The following TRIO variants were observed in gnomAD, a reference collection of about 807,000 sequenced individuals.
The protein encoded by TRIO is trio Rho guanine nucleotide exchange factor, also known as triple functional domain protein.
TRIO carries 58 observed loss-of-function variants against 351.9 expected under a neutral mutation model. The observed-to-expected ratio is 0.16, with a 90% CI of 0.13 to 0.21. TRIO has a LOEUF of 0.21. Among genes scored for constraint, TRIO ranks in the 10% least tolerant of loss-of-function variants. The pLI, the probability that TRIO is intolerant of heterozygous loss-of-function variation, is 1.00. For missense variants in TRIO, 3,201 were observed against 4,027.8 expected (o/e 0.79, Z 5.56); for synonymous variants, 1,758 against 1,595.7 (o/e 1.10, Z -2.42).
chr5:14,301,361 G>A (rs30636), intron 7 of TRIO, among the ~76,000 whole-genome samples: 14 of 151,850 alleles, frequency 9.2e-5, no homozygotes, highest in Admixed American at 8.5e-4. Context: ...TCATTCTTTC[G>A]CACTCTCCTG....
chr5:14,343,644 T>C (rs982519884), intron 11 of TRIO, among the ~76,000 whole-genome samples: 1 of 152,234 alleles, frequency 6.6e-6, no homozygotes, highest in African/African-American at 2.4e-5. Flanking sequence ...TATCACAGTT[T>C]ATTTAACTAT....
chr5:14,411,332 A>G lies in TRIO; in HGVS notation c.4959+4660A>G, dbSNP rs550282787. Among the ~76,000 whole-genome samples, 6 of 152,360 alleles carry G rather than the reference A, an allele frequency of 3.9e-5. No individual in the cohort carries two copies. The South Asian group carries it at 1.2e-3, about 32-fold the overall frequency. ...CTAAAATCCATATTACAAAGAAAAT[A>G]GAAAACATGGAACTCAAACTGTATT... On this transcript the variant is annotated intron_variant, in intron 33 of 56. Transcript: ENST00000344204.
rs1581221761 is a variant in TRIO, at chr5:14,143,815, C to A, written c.90C>A (p.Gly30=). 9.4e-7 allele frequency: 1 copy of A among 1,058,552 alleles called. No individual in the cohort carries two copies. Among genetic ancestry groups the A allele is most frequent in the South Asian group, 4.4e-5 (1 of 22,794 alleles). 65.6% of individuals were successfully genotyped at this position (1,058,552 alleles called of 1,614,324 possible). The part of the protein sequence containing the change: ...AASAAGSGCG[G]GAGEGAEEAA... The stretch of plus-strand genomic sequence containing the variant: ...GCGCGGCTGGCTCGGGCTGCGGGGG[C>A]GGTGCCGGCGAGGGGGCAGAGGAGG... Residue 30 remains glycine (G), a synonymous_variant, in exon 1 of 57, where the codon GGC becomes GGA. Transcript: ENST00000344204.
At chr5:14,431,292 G>A (rs1273046069) in intron 34 of TRIO, among the ~76,000 whole-genome samples, 1 of 152,194 alleles carries the variant, frequency 6.6e-6, no homozygotes, top group Non-Finnish European at 1.5e-5. Flanking sequence ...GAACACCTCA[G>A]ACTTCAGGCA....
At chr5:14,284,962 G>A (rs150303518) in intron 3 of TRIO, among the ~76,000 whole-genome samples, 1 of 152,204 alleles carries the variant, frequency 6.6e-6, no homozygotes, top group East Asian at 1.9e-4. Context: ...CCAGGGCCCT[G>A]GAGTTTCTGT....
intron 1 of TRIO, among the ~76,000 whole-genome samples, chr5:14,215,945 C>T (rs1792189115): frequency 6.6e-6 from 1 of 152,164 alleles, no homozygotes; most frequent in Non-Finnish European, 1.5e-5. Context: ...AATTTGAATT[C>T]CATCCCCTCC....
intron 13 of TRIO, among the ~76,000 whole-genome samples, chr5:14,360,601 A>G (rs1452721484): frequency 6.6e-6 from 1 of 152,230 alleles, no homozygotes; most frequent in African/African-American, 2.4e-5. Flanking sequence ...TGGGGATGGC[A>G]GGGCTGTGCG....
chr5:14,367,010 C>G (rs749196137), intron 16 of TRIO, 31 bp downstream of exon 16: 29 of 1,612,398 alleles, frequency 1.8e-5, no homozygotes, highest in Non-Finnish European at 2.5e-5. Context: ...TGTGTGTTGG[C>G]TCTTTCATTC....
chr5:14,197,217 C>G (rs916765802), intron 1 of TRIO, among the ~76,000 whole-genome samples: 4 of 152,104 alleles, frequency 2.6e-5, no homozygotes, highest in African/African-American at 9.7e-5. Flanking sequence ...GCTGTGAGTC[C>G]CCTGGGCTGT....
chr5:14,314,527 A>G (rs1739210257), intron 8 of TRIO, among the ~76,000 whole-genome samples: 1 of 151,198 alleles, frequency 6.6e-6, no homozygotes, highest in Non-Finnish European at 1.5e-5. Context: ...AGTTCCAAAG[A>G]AAACCAAACA....
chr5:14,455,502 G>C (rs1052077960), intron 34 of TRIO, among the ~76,000 whole-genome samples: 4 of 151,530 alleles, frequency 2.6e-5, no homozygotes, highest in African/African-American at 4.9e-5. Flanking sequence ...CCTTGAGCTA[G>C]ACACAGAGTG....
chr5:14,507,353 C>T lies in TRIO; in HGVS notation c.8751+93C>T, dbSNP rs1757768149. ...CCCCCTCTGAAGCCAGGCCAGGAGC[C>T]CCCAAGTGACTAGGGACAAAAAGGG... On this transcript the variant is annotated intron_variant, in intron 56 of 56. Coordinates refer to ENST00000344204, the MANE Select transcript of TRIO (RefSeq NM_007118.4). 4 of 1,541,630 alleles carry T rather than the reference C, an allele frequency of 2.6e-6. No individual in the cohort carries two copies. The South Asian group carries it at 4.8e-5, about 19-fold the overall frequency.
At position 14,297,145 on chromosome 5, in the gene TRIO, A is replaced by G; in HGVS notation, c.1250A>G (p.Gln417Arg). 1 of 1,614,214 alleles carries G rather than the reference A, an allele frequency of 6.2e-7. No homozygotes were observed. The highest frequency in any genetic ancestry group is 8.5e-7 in the Non-Finnish European group (1 of 1,180,046). Residue 417 changes from glutamine to arginine, a missense_variant, in exon 7 of 57, where the codon CAG becomes CGG. Physicochemically the swap from Gln to Arg is conservative, Grantham distance 43. Coordinates refer to ENST00000344204, the MANE Select transcript of TRIO (RefSeq NM_007118.4). ...GTGGAGTCTGGCCACTATGCCTCGCAGCAGATCAGGCAGATCGCGAGTCAG... is the reference window on the plus strand; with the variant it reads ...GTGGAGTCTGGCCACTATGCCTCGCGGCAGATCAGGCAGATCGCGAGTCAG... ...RLVESGHYAS[Q>R]QIRQIASQLE... is the part of the protein sequence containing the mutation.
chr5:14,306,986 A>G (rs1382590302), intron 8 of TRIO, among the ~76,000 whole-genome samples: 2 of 152,228 alleles, frequency 1.3e-5, no homozygotes, highest in Non-Finnish European at 2.9e-5. Context: ...GCCTAAGAAC[A>G]TGTTTGCAAC....
intron 34 of TRIO, among the ~76,000 whole-genome samples, chr5:14,456,982 A>G (rs908783538): frequency 3.9e-5 from 6 of 152,218 alleles, no homozygotes; most frequent in African/African-American, 1.4e-4. Context: ...GGGCTGTTAC[A>G]TTCCATTGAT....
intron 34 of TRIO, among the ~76,000 whole-genome samples, chr5:14,447,439 T>A (rs959095952): frequency 6.6e-6 from 1 of 152,184 alleles, no homozygotes; most frequent in African/African-American, 2.4e-5. Context: ...CTGGTATAAA[T>A]TTTTTAAAAT....
intron 4 of TRIO, among the ~76,000 whole-genome samples, chr5:14,287,282 C>T (rs955345786): frequency 6.6e-6 from 1 of 152,124 alleles, no homozygotes; most frequent in Non-Finnish European, 1.5e-5. Flanking sequence ...GGTTTCAGTT[C>T]CCTTGGGTTG....
chr5:14,345,020 C>T (rs964677398), intron 11 of TRIO, among the ~76,000 whole-genome samples: 6 of 152,058 alleles, frequency 3.9e-5, no homozygotes, highest in African/African-American at 1.2e-4. Flanking sequence ...ATGTATAAAG[C>T]ATTTGTACTG....
chr5:14,364,878 T>C (rs976876215), intron 15 of TRIO, 62 bp downstream of exon 15: 1 of 1,522,136 alleles, frequency 6.6e-7, no homozygotes, highest in African/African-American at 1.4e-5. Flanking sequence ...CTCATCGACT[T>C]CCCGGAAATT....
Sources: allele counts gnomAD v4.1 joint callset (sites outside exome capture counted in the v4.1 genomes callset), GRCh38; gene constraint gnomAD v4.1.1; transcripts MANE v1.5; gene names NCBI Gene and HGNC (gene_info 2026-07-23, HGNC 2026-07-21).